Variants in ANKRD16 observed in about 807,000 individuals in gnomAD.
ANKRD16 encodes ankyrin repeat domain-containing protein 16.
In ANKRD16, 35 loss-of-function variants were observed where a neutral mutation model predicts 37.9. That is an observed-to-expected ratio of 0.92 (90% CI 0.71 to 1.23). The LOEUF (loss-of-function observed/expected upper bound fraction) is 1.23. Among genes scored for constraint, ANKRD16 ranks in the 50% most tolerant of loss-of-function variants. ANKRD16 has a pLI of 0.00. For missense variants in ANKRD16, 480 were observed against 469.9 expected, an observed-to-expected ratio of 1.02 and a Z score of -0.20; for synonymous variants, 206 against 197.2, an observed-to-expected ratio of 1.04 and a Z score of -0.37.
chr10:5,884,135 C>T, intron 3 of ANKRD16, 58 bp from the exon 4 acceptor site: 1 of 1,307,134 alleles, frequency 7.7e-7, no homozygotes, highest in Admixed American at 1.8e-5. Flanking sequence ...ACCCAGGGGA[C>T]AGTTGACACC....
intron 6 of ANKRD16, among the ~76,000 whole-genome samples, chr10:5,879,143 G>A (rs1842238587): frequency 6.6e-6 from 1 of 152,100 alleles, no homozygotes; most frequent in Non-Finnish European, 1.5e-5. Context: ...GCCCTAGAGT[G>A]AGTAGTTAGG....
intron 2 of ANKRD16, 68 bp downstream of exon 2, chr10:5,887,778 GC>G: frequency 7.6e-7 from 1 of 1,314,660 alleles, no homozygotes; most frequent in Non-Finnish European, 1.0e-6. Context: ...TGAACAAGAT[GC>G]GGTTGGGCAG....
Position 5,870,665 on chromosome 10 carries a change from C to T in ANKRD16, c.*33+7432G>A, listed in dbSNP as rs909241540. 4.6e-5 allele frequency among the ~76,000 whole-genome samples: 7 copies of T among 152,146 alleles called. No individual in the cohort carries two copies. The highest frequency in any genetic ancestry group is 1.7e-4 in the African/African-American group (7 of 41,422). ...CCTCCCAAAGTGTTGGGATTACAGG[C>T]GTGAGCCACGTGCCTGGCCATTGCT... On this transcript the variant is annotated intron_variant, in intron 7 of 7. Transcript: ENST00000380094. The surrounding 1 kb of genome is among the most constrained non-coding windows in gnomAD (Gnocchi z 5.0).
chr10:5,886,153 T>A (rs1280874540), intron 2 of ANKRD16, among the ~76,000 whole-genome samples: 1 of 152,236 alleles, frequency 6.6e-6, no homozygotes, highest in African/African-American at 2.4e-5. Flanking sequence ...TAAAAGTAAC[T>A]ATACTCAAAG....
At position 5,865,763 on chromosome 10, in the gene ANKRD16, C is replaced by A. The variant is rs753507614; in HGVS notation, c.*34-3072G>T. 1.3e-5 allele frequency among the ~76,000 whole-genome samples: 2 copies of A among 152,134 alleles called. No individual in the cohort carries two copies. Among genetic ancestry groups the A allele is most frequent in the Non-Finnish European group, 2.9e-5 (2 of 68,014 alleles). On this transcript the variant is annotated intron_variant, in intron 7 of 7. Transcript: ENST00000380094. The surrounding 1 kb of genome is among the most constrained non-coding windows in gnomAD (Gnocchi z 4.7). ...CTATTATCTACATGAATATGGGGAACGAGTTACTGATTTGTTGTCCCCTGC... is the reference window on the plus strand; with the variant it reads ...CTATTATCTACATGAATATGGGGAAAGAGTTACTGATTTGTTGTCCCCTGC...
chr10:5,885,939 C>T lies in ANKRD16; in HGVS notation c.536-174G>A, dbSNP rs926882103. Among the ~76,000 whole-genome samples the T allele has an allele frequency of 5.9e-5, 9 of 152,178 alleles. No homozygotes were observed. In the South Asian group the frequency reaches 6.2e-4, roughly 10 times the overall value. On this transcript the variant is annotated intron_variant, in intron 2 of 7. Coordinates refer to ENST00000380094, the MANE Select transcript of ANKRD16 (RefSeq NM_019046.3). ...CGAATAAATATTTAACTGGATAAAG[C>T]GGTAAACAATAATGTTTTCACTTTA...
chr10:5,862,744 G>T lies in ANKRD16; in HGVS notation c.*34-53C>A, dbSNP rs1342442571. ...AGTTTACAGATGAAACAGAAGCTCA[G>T]AGAGGGCAAGCAGCTAGCACAAGGT... On this transcript the variant is annotated intron_variant, in intron 7 of 7. Transcript: ENST00000380094. This position sits in a 1 kb window ranked among gnomAD's most constrained non-coding sequence, Gnocchi z 6.5. 11 of 1,229,666 alleles carry T rather than the reference G, an allele frequency of 8.9e-6. No homozygotes were observed. The highest frequency in any genetic ancestry group is 1.2e-5 in the Non-Finnish European group (11 of 934,544). 76.2% of individuals were successfully genotyped at this position (1,229,666 alleles called of 1,614,324 possible). A position where few individuals can be genotyped will look rare whatever the true frequency, so the allele number is the denominator to read the frequency against.
Position 5,876,132 on chromosome 10 carries a change from C to T in ANKRD16, c.*33+1965G>A, listed in dbSNP as rs373810966. Among the ~76,000 whole-genome samples, 15 of 152,204 alleles carry T rather than the reference C, an allele frequency of 9.9e-5. No individual in the cohort carries two copies. In the South Asian group the frequency reaches 1.0e-3, roughly 10 times the overall value. On this transcript the variant is annotated intron_variant, in intron 7 of 7. Coordinates refer to ENST00000380094, the MANE Select transcript of ANKRD16 (RefSeq NM_019046.3). ...CTCCTGACCTCAGGTGATCCACCCA[C>T]CTCAGCCTCCCAAAGTGTTGGGATT...
chr10:5,862,824 A>G lies in ANKRD16; in HGVS notation c.*34-133T>C, dbSNP rs1037269914. 1.0e-5 allele frequency: 5 copies of G among 488,022 alleles called. No individual in the cohort carries two copies. Among genetic ancestry groups the G allele is most frequent in the African/African-American group, 1.0e-4 (5 of 49,848 alleles). The allele number at this position is 488,022 out of a possible 1,614,324, so 30.2% of individuals were successfully genotyped here. A position where few individuals can be genotyped will look rare whatever the true frequency, so the allele number is the denominator to read the frequency against. ...CAGGGCCTGGCTCTACATGCTGCACAGTCAGAGAGGGAGAGTCCCATGCGC... is the reference window on the plus strand; with the variant it reads ...CAGGGCCTGGCTCTACATGCTGCACGGTCAGAGAGGGAGAGTCCCATGCGC... On this transcript the variant is annotated intron_variant, in intron 7 of 7. Coordinates refer to ENST00000380094, the MANE Select transcript of ANKRD16 (RefSeq NM_019046.3). The surrounding 1 kb of genome is among the most constrained non-coding windows in gnomAD (Gnocchi z 6.5).
At chr10:5,880,439 A>G (rs1842278700) in intron 5 of ANKRD16, 63 bp from the exon 6 acceptor site, 5 of 1,023,528 alleles carry the variant, frequency 4.9e-6, no homozygotes, top group Non-Finnish European at 7.2e-6. Flanking sequence ...TGCAAACCAA[A>G]AAGTATCTGA....
At chr10:5,877,857 T>C (rs536349681) in intron 7 of ANKRD16, among the ~76,000 whole-genome samples, 42 of 152,372 alleles carry the variant, frequency 2.8e-4, no homozygotes, top group Middle Eastern at 3.4e-3. Context: ...AAACGTTATC[T>C]ATTCTACTTT....
At chr10:5,884,799 C>G (rs892872666) in intron 3 of ANKRD16, among the ~76,000 whole-genome samples, 7 of 151,446 alleles carry the variant, frequency 4.6e-5, no homozygotes, top group Admixed American at 4.6e-4. Context: ...ATTCTCCCAC[C>G]CCTTCACTGT....
Position 5,871,040 on chromosome 10 carries a change from C to T in ANKRD16, c.*33+7057G>A, listed in dbSNP as rs1345823143. 6.6e-6 allele frequency among the ~76,000 whole-genome samples: 1 copy of T among 152,172 alleles called. No homozygotes were observed. Among genetic ancestry groups the T allele is most frequent in the African/African-American group, 2.4e-5 (1 of 41,424 alleles). On this transcript the variant is annotated intron_variant, in intron 7 of 7. Transcript: ENST00000380094. The surrounding 1 kb of genome is among the most constrained non-coding windows in gnomAD (Gnocchi z 4.5). The stretch of plus-strand genomic sequence containing the variant: ...AGGCCAATCAAGTCCCTGTCGTCAC[C>T]ACGATTGGCAGAGGCCAGCCCTCAC...
chr10:5,885,580 T>C, intron 3 of ANKRD16, 143 bp downstream of exon 3: 1 of 767,422 alleles, frequency 1.3e-6, no homozygotes, highest in Non-Finnish European at 2.1e-6. Flanking sequence ...TCATATTCTT[T>C]ATCTGCTATG....
chr10:5,880,702 G>C (rs1016149779), intron 5 of ANKRD16, among the ~76,000 whole-genome samples: 2 of 152,062 alleles, frequency 1.3e-5, no homozygotes, highest in Non-Finnish European at 2.9e-5. Flanking sequence ...CTTTACATAA[G>C]ATAAGGTGAA....
At chr10:5,887,635 C>G (rs1197985465) in intron 2 of ANKRD16, among the ~76,000 whole-genome samples, 1 of 152,098 alleles carries the variant, frequency 6.6e-6, no homozygotes, top group Middle Eastern at 3.2e-3. Context: ...CCACCCGCCT[C>G]CGGCCTCCCA....
At chr10:5,881,438 T>TTATATATATATATATATATATA (rs869185709) in intron 5 of ANKRD16, among the ~76,000 whole-genome samples, 2 of 51,002 alleles carry the variant, frequency 3.9e-5, no homozygotes, top group Admixed American at 2.5e-4. Flanking sequence ...AAAATATTAT[T>TTATATATATATATATATATATA]TATATATATA....
At chr10:5,872,700 G>C (rs999600480) in intron 7 of ANKRD16, among the ~76,000 whole-genome samples, 1 of 149,820 alleles carries the variant, frequency 6.7e-6, no homozygotes, top group Non-Finnish European at 1.5e-5. Context: ...AGGACTACAG[G>C]CGCCCGCCAC....
intron 2 of ANKRD16, among the ~76,000 whole-genome samples, chr10:5,887,518 G>A (rs1205556032): frequency 6.6e-6 from 1 of 152,126 alleles, no homozygotes; most frequent in Non-Finnish European, 1.5e-5. Context: ...CAGTAGCTGG[G>A]ATTACAAGCA....
Sources: gnomAD v4.1 joint callset for allele counts (sites outside exome capture counted in the v4.1 genomes callset) on GRCh38, gnomAD v4.1.1 for gene constraint, Gnocchi (gnomAD v3.1) non-coding constraint, MANE v1.5 for transcripts, NCBI Gene and HGNC (gene_info 2026-07-23, HGNC 2026-07-21) for gene names.